KSR2: variants seen among roughly 807,000 people sequenced by gnomAD.
KSR2 encodes the protein kinase suppressor of ras 2.
Under a neutral mutation model 107.8 loss-of-function variants are expected in KSR2, and 25 were observed. The ratio of observed to expected loss-of-function variants is 0.23; its 90% CI spans 0.17 to 0.32. The LOEUF (loss-of-function observed/expected upper bound fraction) is 0.32. Among genes scored for constraint, KSR2 ranks in the 10% least tolerant of loss-of-function variants. KSR2 has a pLI of 1.00. For synonymous variants in KSR2, 480 were observed against 507.0 expected, an observed-to-expected ratio of 0.95 and a Z score of 0.71; for missense variants, 887 against 1,268.9, an observed-to-expected ratio of 0.70 and a Z score of 4.57.
intron 5 of KSR2, among the ~76,000 whole-genome samples, chr12:117,662,560 C>A (rs1356339878): frequency 1.3e-5 from 2 of 152,176 alleles, no homozygotes; most frequent in Non-Finnish European, 2.9e-5. Flanking sequence ...GCAGGAGTTG[C>A]TTAGAGTAGG....
chr12:117,667,302 A>T (rs1593109951), intron 5 of KSR2, among the ~76,000 whole-genome samples, 172 bp downstream of exon 5: 1 of 152,168 alleles, frequency 6.6e-6, no homozygotes. Flanking sequence ...TGAGTGGCAT[A>T]GGCAGATGGG....
At position 117,860,945 on chromosome 12, in the gene KSR2, G is replaced by C. The variant is rs193289265; in HGVS notation, c.181-514C>G. On this transcript the variant is annotated intron_variant, in intron 1 of 19. Coordinates refer to ENST00000339824, the MANE Select transcript of KSR2 (RefSeq NM_173598.6). ...CGTTGGCCAGGCTGGTCTCAAACCC[G>C]TGACCCCATGTGATCCACCCGCCTC... Among the ~76,000 whole-genome samples, 190 of 152,084 alleles carry C rather than the reference G, an allele frequency of 1.2e-3. 2 individuals carry two copies. Among genetic ancestry groups the C allele is most frequent in the African/African-American group, 4.0e-3 (166 of 41,518 alleles).
chr12:117,659,524 A>G (rs879848164), intron 5 of KSR2, among the ~76,000 whole-genome samples: 12 of 152,120 alleles, frequency 7.9e-5, no homozygotes, highest in Admixed American at 7.9e-4. Flanking sequence ...TTGAACTTCC[A>G]CCACCTTGTT....
chr12:117,909,474 T>C lies in KSR2; in HGVS notation c.181-49043A>G, dbSNP rs758011942. 9.8e-4 allele frequency among the ~76,000 whole-genome samples: 150 copies of C among 152,300 alleles called. 2 individuals carry two copies. The highest frequency in any genetic ancestry group is 6.8e-3 in the Middle Eastern group (2 of 294). ...CCTCCAGCACAATTATCCAAGATATTGTTTACCGAAGTGTGGTATGTGTAT... is the reference window on the plus strand; with the variant it reads ...CCTCCAGCACAATTATCCAAGATATCGTTTACCGAAGTGTGGTATGTGTAT... On this transcript the variant is annotated intron_variant, in intron 1 of 19. Transcript: ENST00000339824.
At chr12:117,917,592 G>A (rs139392521) in intron 1 of KSR2, among the ~76,000 whole-genome samples, 66 of 152,250 alleles carry the variant, frequency 4.3e-4, no homozygotes, top group Non-Finnish European at 5.9e-4. Flanking sequence ...AAAGGAACAC[G>A]TCTCAAGTTG....
intron 1 of KSR2, among the ~76,000 whole-genome samples, chr12:117,894,332 T>C (rs111318019): frequency 1.4e-3 from 216 of 152,336 alleles, no homozygotes; most frequent in Middle Eastern, 6.8e-3. Flanking sequence ...TTGTTTATCA[T>C]GAACTTTTGT....
At chr12:117,803,362 A>G (rs897084174) in intron 3 of KSR2, among the ~76,000 whole-genome samples, 1 of 152,196 alleles carries the variant, frequency 6.6e-6, no homozygotes, top group African/African-American at 2.4e-5. Flanking sequence ...AGGAGCACCA[A>G]GATGTTTCCT....
intron 1 of KSR2, among the ~76,000 whole-genome samples, chr12:117,885,645 T>C (rs533940352): frequency 6.5e-4 from 95 of 147,168 alleles, no homozygotes; most frequent in African/African-American, 2.3e-3. Context: ...ATGTATATAA[T>C]ATATACATAG....
chr12:117,539,235 C>T (rs1876281118), intron 10 of KSR2, among the ~76,000 whole-genome samples: 2 of 152,224 alleles, frequency 1.3e-5, no homozygotes, highest in East Asian at 3.8e-4. Context: ...AGTGACAGCC[C>T]TGTCCTCACA....
At chr12:117,854,171 A>AT (rs1008448062) in intron 3 of KSR2, among the ~76,000 whole-genome samples, 15 of 151,870 alleles carry the variant, frequency 9.9e-5, no homozygotes, top group Admixed American at 3.9e-4. Context: ...CACATGGCAC[A>AT]TTTTTTTGTA....
chr12:117,763,606 G>A (rs1889125746), intron 3 of KSR2, among the ~76,000 whole-genome samples: 1 of 152,144 alleles, frequency 6.6e-6, no homozygotes, highest in African/African-American at 2.4e-5. Flanking sequence ...ATGACAATGG[G>A]GTGACACTCA....
intron 5 of KSR2, among the ~76,000 whole-genome samples, chr12:117,662,500 G>C (rs1379616133): frequency 6.6e-6 from 1 of 152,194 alleles, no homozygotes; most frequent in Non-Finnish European, 1.5e-5. Flanking sequence ...CGCAAGGCCA[G>C]GCTATCAAAA....
chr12:117,872,480 C>T (rs1282803215), intron 1 of KSR2, among the ~76,000 whole-genome samples: 1 of 151,998 alleles, frequency 6.6e-6, no homozygotes, highest in Non-Finnish European at 1.5e-5. Context: ...AAGAGGATCC[C>T]TTGAGCCCAG....
chr12:117,759,574 C>T (rs1435536255), intron 4 of KSR2, among the ~76,000 whole-genome samples: 16 of 152,148 alleles, frequency 1.1e-4, no homozygotes, highest in Non-Finnish European at 1.3e-4. Flanking sequence ...CCATCACCAC[C>T]ATCCATCTCC....
chr12:117,697,170 C>T (rs1291290183), intron 4 of KSR2, among the ~76,000 whole-genome samples: 4 of 152,206 alleles, frequency 2.6e-5, no homozygotes, highest in Admixed American at 2.6e-4. Context: ...TCAGGAAGGA[C>T]AGCGTCCCTA....
chr12:117,647,542 C>T (rs1249893259), intron 5 of KSR2, among the ~76,000 whole-genome samples: 1 of 152,104 alleles, frequency 6.6e-6, no homozygotes, highest in Non-Finnish European at 1.5e-5. Context: ...AGAGTCCCTC[C>T]ATTCAAATGA....
intron 3 of KSR2, among the ~76,000 whole-genome samples, chr12:117,793,252 ACCCTC>A: frequency 7.1e-6 from 1 of 140,420 alleles, no homozygotes; most frequent in African/African-American, 2.8e-5. Flanking sequence ...ACCTGCACAC[ACCCTC>A]ACACCAACAT....
At chr12:117,891,712 C>T (rs973325704) in intron 1 of KSR2, among the ~76,000 whole-genome samples, 1 of 151,564 alleles carries the variant, frequency 6.6e-6, no homozygotes, top group Non-Finnish European at 1.5e-5. Context: ...TTAGGCTGGG[C>T]GTGGTGGCTC....
At chr12:117,643,721 C>T (rs1883485823) in intron 5 of KSR2, among the ~76,000 whole-genome samples, 1 of 151,944 alleles carries the variant, frequency 6.6e-6, no homozygotes, top group Admixed American at 6.6e-5. Flanking sequence ...TGTTAAATAG[C>T]CCCCCGATTC....
Sources: gnomAD v4.1 joint callset for allele counts (sites outside exome capture counted in the v4.1 genomes callset) on GRCh38, gnomAD v4.1.1 for gene constraint, MANE v1.5 for transcripts, NCBI Gene and HGNC (gene_info 2026-07-23, HGNC 2026-07-21) for gene names.